Variants in TNIK observed in about 807,000 individuals in gnomAD.
The protein encoded by TNIK is TRAF2 and NCK-interacting protein kinase.
In TNIK, 49 loss-of-function variants were observed where a neutral mutation model predicts 191.3. That is an observed-to-expected ratio of 0.26 (90% CI 0.20 to 0.32). The LOEUF is 0.32. Among genes scored for constraint, TNIK ranks in the 10% least tolerant of loss-of-function variants. TNIK has a pLI of 1.00. For missense variants in TNIK, 1,155 were observed against 1,702.3 expected, an observed-to-expected ratio of 0.68 and a Z score of 5.66; for synonymous variants, 594 against 600.9, an observed-to-expected ratio of 0.99 and a Z score of 0.17.
intron 1 of TNIK, among the ~76,000 whole-genome samples, chr3:171,426,992 T>C (rs755479665): frequency 8.5e-5 from 13 of 152,196 alleles, no homozygotes; most frequent in East Asian, 1.9e-4. Flanking sequence ...AGGGTCTTGG[T>C]AGATCACAGA....
At chr3:171,408,034 A>G (rs1721935026) in intron 1 of TNIK, among the ~76,000 whole-genome samples, 1 of 152,124 alleles carries the variant, frequency 6.6e-6, no homozygotes, top group African/African-American at 2.4e-5. Flanking sequence ...ATCATAAGAC[A>G]GTATAATGGG....
intron 18 of TNIK, among the ~76,000 whole-genome samples, chr3:171,120,941 T>C (rs566980159): frequency 1.3e-5 from 2 of 152,306 alleles, no homozygotes; most frequent in East Asian, 3.9e-4. Context: ...CAGGCGGTTT[T>C]GGTTTGAGTC....
intron 2 of TNIK, among the ~76,000 whole-genome samples, chr3:171,346,243 T>C (rs908272380): frequency 1.1e-4 from 17 of 152,174 alleles, no homozygotes; most frequent in African/African-American, 3.6e-4. Flanking sequence ...TATGCAGAAT[T>C]GAGTCACTGT....
intron 18 of TNIK, among the ~76,000 whole-genome samples, chr3:171,111,256 C>A (rs983878727): frequency 1.3e-5 from 2 of 151,436 alleles, no homozygotes; most frequent in Non-Finnish European, 2.9e-5. Flanking sequence ...ATCCCATCTC[C>A]ACAAAAAAAT....
intron 1 of TNIK, among the ~76,000 whole-genome samples, chr3:171,384,801 A>C (rs1327936163): frequency 6.6e-6 from 1 of 152,230 alleles, no homozygotes; most frequent in Non-Finnish European, 1.5e-5. Flanking sequence ...TTAGAAGAGC[A>C]CATGACTGAA....
At chr3:171,279,327 A>C (rs1750159522) in intron 2 of TNIK, among the ~76,000 whole-genome samples, 1 of 152,220 alleles carries the variant, frequency 6.6e-6, no homozygotes. Flanking sequence ...CCATGTCCAT[A>C]AACATAAAAT....
At chr3:171,397,200 G>C (rs911177869) in intron 1 of TNIK, among the ~76,000 whole-genome samples, 2 of 152,150 alleles carry the variant, frequency 1.3e-5, no homozygotes, top group Non-Finnish European at 2.9e-5. Flanking sequence ...TGATACAAGA[G>C]TGCGAAGGGC....
intron 12 of TNIK, among the ~76,000 whole-genome samples, chr3:171,145,485 C>T (rs890206973): frequency 6.6e-6 from 1 of 152,110 alleles, no homozygotes; most frequent in Non-Finnish European, 1.5e-5. Context: ...TTTTGATCCT[C>T]CCTATGAATG....
chr3:171,402,972 T>G (rs756620408), intron 1 of TNIK, among the ~76,000 whole-genome samples: 8 of 152,208 alleles, frequency 5.3e-5, no homozygotes, highest in Non-Finnish European at 1.0e-4. Flanking sequence ...TGCTCAGATA[T>G]GCACTGTCTA....
intron 2 of TNIK, among the ~76,000 whole-genome samples, chr3:171,322,630 C>A (rs1755279400): frequency 6.6e-6 from 1 of 152,066 alleles, no homozygotes; most frequent in Non-Finnish European, 1.5e-5. Context: ...TCTACTTCTA[C>A]CATATACGCA....
At chr3:171,166,557 C>G (rs1734643678) in intron 10 of TNIK, among the ~76,000 whole-genome samples, 1 of 72,192 alleles carries the variant, frequency 1.4e-5, no homozygotes, top group Admixed American at 1.3e-4. Context: ...TGTTAAATGA[C>G]CTTCAGCTCA....
At chr3:171,115,320 C>T (rs1398569448) in intron 18 of TNIK, among the ~76,000 whole-genome samples, 2 of 152,154 alleles carry the variant, frequency 1.3e-5, no homozygotes, top group African/African-American at 4.8e-5. Flanking sequence ...TGTTAAGCAC[C>T]AACTTTGTGA....
In TNIK at chr3:171,061,271, C is replaced by T. The variant is rs769096452; in HGVS notation, c.*2610G>A. 1 of 152,004 alleles carries T rather than the reference C, an allele frequency of 6.6e-6. No homozygotes were observed. The highest frequency in any genetic ancestry group is 6.6e-5 in the Admixed American group (1 of 15,258). The allele number at this position is 152,004 out of a possible 1,614,324, so 9.4% of individuals were successfully genotyped here. ...TTAAAGAGCACAGATTTCTGGGGGG[C>T]CCATTTAAATTTGGATTTGCCTTGT... On this transcript the variant is annotated 3_prime_UTR_variant, in exon 33 of 33. Transcript: ENST00000436636.
At chr3:171,166,801 G>C (rs1266657877) in intron 10 of TNIK, among the ~76,000 whole-genome samples, 2 of 152,080 alleles carry the variant, frequency 1.3e-5, no homozygotes, top group African/African-American at 4.8e-5. Context: ...ATATTAATTT[G>C]AATTAAGAAA....
Position 171,460,156 on chromosome 3 carries a change from CG to C in TNIK, c.-94del. On this transcript the variant is annotated 5_prime_UTR_variant, in exon 1 of 33. Coordinates refer to ENST00000436636, the MANE Select transcript of TNIK (RefSeq NM_015028.4). This position sits in a 1 kb window ranked among gnomAD's most constrained non-coding sequence, Gnocchi z 6.8. ...GGTCTATTTCACTCGCGTCCTCATGCGGGTGTCGCGCCAGAGGCCCCGGGCC... is the reference window on the plus strand; with the variant it reads ...GGTCTATTTCACTCGCGTCCTCATGCGGTGTCGCGCCAGAGGCCCCGGGCC... 1 of 1,492,504 alleles carries C rather than the reference CG, an allele frequency of 6.7e-7. No homozygotes were observed. The highest frequency in any genetic ancestry group is 1.4e-5 in the African/African-American group (1 of 72,150). The allele number at this position is 1,492,504 out of a possible 1,614,324, so 92.5% of individuals were successfully genotyped here. A position where few individuals can be genotyped will look rare whatever the true frequency, so the allele number is the denominator to read the frequency against.
chr3:171,209,064 G>GGTGTGTGT (rs61264225), intron 4 of TNIK, among the ~76,000 whole-genome samples: 30,207 of 141,872 alleles, frequency 0.21, 3,507 homozygotes, highest in African/African-American at 0.29. Context: ...CTTTGGAAGG[G>GGTGTGTGT]GTGTGTGTGT....
intron 12 of TNIK, among the ~76,000 whole-genome samples, chr3:171,154,059 A>C (rs1415531296): frequency 1.3e-5 from 2 of 152,178 alleles, no homozygotes; most frequent in Non-Finnish European, 2.9e-5. Context: ...ACCCCAGGAA[A>C]AGGTTTTAAT....
chr3:171,083,789 G>A (rs951164179), intron 26 of TNIK, among the ~76,000 whole-genome samples: 26 of 152,244 alleles, frequency 1.7e-4, no homozygotes, highest in African/African-American at 5.8e-4. Flanking sequence ...GAGAATGAAC[G>A]TGGGGTATAT....
intron 1 of TNIK, among the ~76,000 whole-genome samples, chr3:171,408,994 A>G (rs2108596904): frequency 6.6e-6 from 1 of 151,950 alleles, no homozygotes; most frequent in East Asian, 1.9e-4. Context: ...GCTAACTATA[A>G]AGCATAGTTC....
Sources: allele counts gnomAD v4.1 joint callset (sites outside exome capture counted in the v4.1 genomes callset), GRCh38; gene constraint gnomAD v4.1.1; non-coding constraint Gnocchi (gnomAD v3.1); transcripts MANE v1.5; gene names NCBI Gene and HGNC (gene_info 2026-07-23, HGNC 2026-07-21).